GRID1: variants seen among roughly 807,000 people sequenced by gnomAD.
GRID1 encodes glutamate receptor ionotropic, delta-1.
Under a neutral mutation model 98.0 loss-of-function variants are expected in GRID1, and 28 were observed. That is an observed-to-expected ratio of 0.29 (90% CI 0.21 to 0.39). GRID1 has a LOEUF of 0.39. GRID1 is among the 10% of genes least tolerant of loss of function. The pLI is 1.00. For synonymous variants in GRID1, 553 were observed against 538.5 expected, an observed-to-expected ratio of 1.03 and a Z score of -0.37; for missense variants, 1,111 against 1,340.5, an observed-to-expected ratio of 0.83 and a Z score of 2.67.
intron 2 of GRID1, among the ~76,000 whole-genome samples, chr10:86,331,081 G>A (rs1262435957): frequency 6.6e-6 from 1 of 152,240 alleles, no homozygotes; most frequent in African/African-American, 2.4e-5. Flanking sequence ...GCTGTGGCAG[G>A]GATGGCACAT....
intron 8 of GRID1, among the ~76,000 whole-genome samples, chr10:85,731,161 G>A (rs115177459): frequency 6.6e-6 from 1 of 152,194 alleles, no homozygotes; most frequent in African/African-American, 2.4e-5. Flanking sequence ...ACTCTGAGAT[G>A]TAAAACCATC....
chr10:85,903,533 C>G (rs1841417812), intron 5 of GRID1, among the ~76,000 whole-genome samples: 1 of 152,166 alleles, frequency 6.6e-6, no homozygotes, highest in African/African-American at 2.4e-5. Flanking sequence ...CACCACCTCA[C>G]TTACTCTTAA....
intron 4 of GRID1, among the ~76,000 whole-genome samples, chr10:85,960,193 C>T (rs546007976): frequency 6.6e-6 from 1 of 152,354 alleles, no homozygotes; most frequent in Admixed American, 6.5e-5. Flanking sequence ...AGCCACCACG[C>T]TCAGCCTCTT....
At chr10:86,229,160 G>C (rs897835489) in intron 2 of GRID1, among the ~76,000 whole-genome samples, 10 of 152,212 alleles carry the variant, frequency 6.6e-5, no homozygotes, top group Admixed American at 6.5e-4. Flanking sequence ...AATCTCTCTA[G>C]CCATGTGCCT....
intron 4 of GRID1, among the ~76,000 whole-genome samples, chr10:85,951,462 G>T (rs1358984616): frequency 6.6e-6 from 1 of 152,070 alleles, no homozygotes; most frequent in Non-Finnish European, 1.5e-5. Flanking sequence ...TTTAATTGGG[G>T]TTTCTTTCAC....
chr10:85,813,705 A>C (rs1842692776), intron 8 of GRID1, among the ~76,000 whole-genome samples: 1 of 151,928 alleles, frequency 6.6e-6, no homozygotes, highest in African/African-American at 2.4e-5. Flanking sequence ...AAAGAATAAA[A>C]TAAATAGTAA....
chr10:86,019,388 C>A (rs1003516330), intron 4 of GRID1, among the ~76,000 whole-genome samples: 4 of 152,258 alleles, frequency 2.6e-5, no homozygotes, highest in Admixed American at 2.6e-4. Flanking sequence ...CACCTGCTCT[C>A]ATCAGGATGT....
At chr10:85,844,528 C>T (rs1842988793) in intron 8 of GRID1, among the ~76,000 whole-genome samples, 4 of 150,938 alleles carry the variant, frequency 2.7e-5, no homozygotes, top group Admixed American at 2.6e-4. Flanking sequence ...TGTCAGTATC[C>T]TTATTGTGTT....
chr10:85,921,753 G>A (rs1369197934), intron 4 of GRID1, among the ~76,000 whole-genome samples: 1 of 152,216 alleles, frequency 6.6e-6, no homozygotes, highest in Non-Finnish European at 1.5e-5. Flanking sequence ...AGAAGACAGT[G>A]AGGCTGAGCG....
chr10:85,940,492 C>G (rs907143172), intron 4 of GRID1, among the ~76,000 whole-genome samples: 3 of 152,190 alleles, frequency 2.0e-5, no homozygotes, highest in Admixed American at 2.0e-4. Flanking sequence ...GGTGCACACA[C>G]TGATGTGGCT....
intron 5 of GRID1, among the ~76,000 whole-genome samples, chr10:85,905,506 A>C (rs1841448216): frequency 6.6e-6 from 1 of 152,160 alleles, no homozygotes; most frequent in Admixed American, 6.5e-5. Flanking sequence ...TTATTACTTA[A>C]ATCTCTTTAA....
At chr10:85,619,124 A>T (rs1262104068) in intron 14 of GRID1, among the ~76,000 whole-genome samples, 1 of 152,124 alleles carries the variant, frequency 6.6e-6, no homozygotes, top group Non-Finnish European at 1.5e-5. Flanking sequence ...CCCTTCACAG[A>T]TATGTGCAAG....
At chr10:85,664,329 T>G (rs1171663521) in intron 12 of GRID1, among the ~76,000 whole-genome samples, 1 of 152,052 alleles carries the variant, frequency 6.6e-6, no homozygotes, top group Admixed American at 6.6e-5. Flanking sequence ...GCATATGAGA[T>G]AGGTGACTTG....
chr10:85,921,293 A>T (rs1483733995), intron 4 of GRID1, among the ~76,000 whole-genome samples: 1 of 152,222 alleles, frequency 6.6e-6, no homozygotes, highest in East Asian at 1.9e-4. Flanking sequence ...GTGTGCTGTT[A>T]TAGGCAAACT....
intron 2 of GRID1, among the ~76,000 whole-genome samples, chr10:86,207,720 C>T (rs1433829376): frequency 6.6e-6 from 1 of 151,068 alleles, no homozygotes; most frequent in African/African-American, 2.4e-5. Flanking sequence ...CAAGCTCCGC[C>T]TCCCGGGTTC....
chr10:85,923,298 G>T (rs1841731042), intron 4 of GRID1, among the ~76,000 whole-genome samples: 2 of 152,174 alleles, frequency 1.3e-5, no homozygotes, highest in African/African-American at 4.8e-5. Context: ...AAGGATGGTG[G>T]AGACAAGGCA....
intron 5 of GRID1, among the ~76,000 whole-genome samples, chr10:85,913,563 G>A (rs568748016): frequency 1.5e-4 from 23 of 152,320 alleles, no homozygotes; most frequent in African/African-American, 5.3e-4. Context: ...GCTGAGGAGG[G>A]CAGATCACTT....
chr10:85,750,658 T>A (rs1460061951), intron 8 of GRID1, among the ~76,000 whole-genome samples: 1 of 152,156 alleles, frequency 6.6e-6, no homozygotes, highest in Non-Finnish European at 1.5e-5. Context: ...AAACTGATAC[T>A]CTGTGGAAGG....
At position 85,854,613 on chromosome 10, in the gene GRID1, G is replaced by A. The variant is rs1268066697; in HGVS notation, c.1116C>T (p.Gly372=). 2.5e-6 allele frequency: 4 copies of A among 1,614,040 alleles called. No homozygotes were observed. The highest frequency in any genetic ancestry group is 1.1e-5 in the South Asian group (1 of 91,068). ...TCACCCCAGTGAGGCCAGTGATGTGGCCCTGCAGAAGAGGAGAAAAACCCA... is the reference window on the plus strand; with the variant it reads ...TCACCCCAGTGAGGCCAGTGATGTGACCCTGCAGAAGAGGAGAAAAACCCA... The part of the protein sequence containing the change: ...GRSMLDTIKK[G]HITGLTGVME... Residue 372 remains glycine, a splice_region_variant and synonymous_variant, in exon 8 of 16, where the codon GGC becomes GGT. Coordinates refer to ENST00000327946, the MANE Select transcript of GRID1 (RefSeq NM_017551.3).
Sources: allele counts gnomAD v4.1 joint callset (sites outside exome capture counted in the v4.1 genomes callset), GRCh38; gene constraint gnomAD v4.1.1; transcripts MANE v1.5; gene names NCBI Gene and HGNC (gene_info 2026-07-23, HGNC 2026-07-21).